The following C1orf141 variants were observed in gnomAD, a reference collection of about 807,000 sequenced individuals.
C1orf141 encodes the protein chromosome 1 open reading frame 141.
Under a neutral mutation model 23.2 loss-of-function variants are expected in C1orf141, and 19 were observed. That is an observed-to-expected ratio of 0.82 (90% CI 0.57 to 1.20). The LOEUF is 1.20. Among genes scored for constraint, C1orf141 ranks in the 50% most tolerant of loss-of-function variants. The probability of loss-of-function intolerance (pLI) is 0.00; values close to 1 mark genes in which losing one functional copy is unlikely to be tolerated. For synonymous variants in C1orf141, 153 were observed against 154.6 expected, an observed-to-expected ratio of 0.99 and a Z score of 0.08; for missense variants, 469 against 455.1, an observed-to-expected ratio of 1.03 and a Z score of -0.28.
chr1:67,118,992 A>C (rs1365035915), intron 4 of C1orf141, among the ~76,000 whole-genome samples: 1 of 152,208 alleles, frequency 6.6e-6, no homozygotes, highest in Non-Finnish European at 1.5e-5. Flanking sequence ...AGTAATGAGC[A>C]GTGGGGTGCT....
chr1:67,111,924 A>G (rs1646081503), intron 5 of C1orf141, among the ~76,000 whole-genome samples: 1 of 152,202 alleles, frequency 6.6e-6, no homozygotes, highest in Non-Finnish European at 1.5e-5. Context: ...AAATAGAATC[A>G]TATGTGTTAT....
At chr1:67,096,428 T>C (rs568430350) in intron 5 of C1orf141, 107 bp from the exon 6 acceptor site, 18 of 609,720 alleles carry the variant, frequency 3.0e-5, no homozygotes, top group African/African-American at 2.6e-4. Flanking sequence ...GGAAAGTACC[T>C]AGTATAGTGC....
chr1:67,112,380 G>C (rs1422342047), intron 5 of C1orf141, among the ~76,000 whole-genome samples: 1 of 151,976 alleles, frequency 6.6e-6, no homozygotes, highest in African/African-American at 2.4e-5. Context: ...ACATTTTAGT[G>C]GGTAATATGG....
intron 4 of C1orf141, chr1:67,123,347 T>C (rs1646338675): frequency 6.6e-6 from 1 of 152,164 alleles, no homozygotes; most frequent in Admixed American, 6.5e-5. Flanking sequence ...TTATAAGCAA[T>C]GTATTGAATT....
chr1:67,141,105 T>C (rs1388988153), intron 1 of C1orf141, among the ~76,000 whole-genome samples: 9 of 152,198 alleles, frequency 5.9e-5, no homozygotes, highest in Non-Finnish European at 1.2e-4. Context: ...GTGTATGATA[T>C]TGTGTTAATT....
intron 1 of C1orf141, among the ~76,000 whole-genome samples, chr1:67,141,385 T>A (rs976630145): frequency 1.3e-5 from 2 of 152,198 alleles, no homozygotes; most frequent in African/African-American, 4.8e-5. Context: ...AAAGACTTTT[T>A]TCTTCTTGTG....
Position 67,104,065 on chromosome 1 carries a change from A to G in C1orf141, c.347-7744T>C, listed in dbSNP as rs192431147. ...TGAAATAAAAATAAGGTATATGACA[A>G]AAGTCTAGGCCACAAAGACCTCACA... On this transcript the variant is annotated intron_variant, in intron 5 of 7. Coordinates refer to ENST00000684719, the MANE Select transcript of C1orf141 (RefSeq NM_001276351.2). Among the ~76,000 whole-genome samples, 214 of 152,286 alleles carry G rather than the reference A, an allele frequency of 1.4e-3. 1 individual carries two copies. The highest frequency in any genetic ancestry group is 1.0e-3 in the Non-Finnish European group (70 of 67,980).
At chr1:67,097,619 C>T (rs1159373614) in intron 5 of C1orf141, among the ~76,000 whole-genome samples, 1 of 152,112 alleles carries the variant, frequency 6.6e-6, no homozygotes, top group African/African-American at 2.4e-5. Flanking sequence ...AATAGAGATC[C>T]TTAGGAGGGT....
chr1:67,137,589 T>C (rs899163450), upstream of C1orf141, among the ~76,000 whole-genome samples: 10 of 152,108 alleles, frequency 6.6e-5, no homozygotes. Context: ...CTTTCTGGAG[T>C]GGCCAGTCCC....
At chr1:67,099,642 G>T (rs1323465265) in intron 5 of C1orf141, among the ~76,000 whole-genome samples, 1 of 152,162 alleles carries the variant, frequency 6.6e-6, no homozygotes, top group Non-Finnish European at 1.5e-5. Context: ...AGCCAGGCGT[G>T]GTGGTGCACA....
At chr1:67,137,096 G>A (rs1013348897), upstream of C1orf141, among the ~76,000 whole-genome samples, 1 of 152,092 alleles carries the variant, frequency 6.6e-6, no homozygotes, top group Non-Finnish European at 1.5e-5. Context: ...CTTTGAAGTA[G>A]GCCAACTACA....
At chr1:67,114,928 G>A (rs546465772) in intron 5 of C1orf141, among the ~76,000 whole-genome samples, 55 of 152,284 alleles carry the variant, frequency 3.6e-4, no homozygotes, top group African/African-American at 1.3e-3. Flanking sequence ...CACCCGCCTC[G>A]GCCTCCCAAA....
chr1:67,111,705 A>G lies in C1orf141; in HGVS notation c.346+3647T>C, dbSNP rs1646077135. 4.6e-5 allele frequency: 33 copies of G among 714,934 alleles called. No homozygotes were observed. The South Asian group carries it at 9.4e-4, about 20-fold the overall frequency. 44.3% of individuals were successfully genotyped at this position (714,934 alleles called of 1,614,324 possible). On this transcript the variant is annotated intron_variant, in intron 5 of 7. Coordinates refer to ENST00000684719, the MANE Select transcript of C1orf141 (RefSeq NM_001276351.2). ...AGTTACTTCTAATTAAACCCAATCA[A>G]CCATTTTCTCCACTGCAGTAAACTT...
At chr1:67,100,975 T>A (rs1443216423) in intron 5 of C1orf141, among the ~76,000 whole-genome samples, 1 of 151,116 alleles carries the variant, frequency 6.6e-6, no homozygotes, top group East Asian at 2.0e-4. Context: ...TGGCGGTGAG[T>A]ACTCTGTTTA....
Position 67,093,282 on chromosome 1 carries a change from C to A in C1orf141, c.926G>T (p.Arg309Ile). ...KKTNKQTLEN[R>I]SWNTLYNFSQ... ...GAAATTATAGAGTGTATTCCAAGAT[C>A]TGTTTTCTAGTGTCTGCTTATTAGT... The change falls in exon 8 of 8, where the codon AGA (arginine) becomes ATA (isoleucine). Residue 309 changes from arginine to isoleucine, a missense_variant. Arg to Ile is a moderately conservative substitution (Grantham distance 97). Coordinates refer to ENST00000684719, the MANE Select transcript of C1orf141 (RefSeq NM_001276351.2). 6.2e-7 allele frequency: 1 copy of A among 1,613,770 alleles called. No homozygotes were observed. Among genetic ancestry groups the A allele is most frequent in the Admixed American group, 1.7e-5 (1 of 60,004 alleles).
chr1:67,093,729 T>C, intron 7 of C1orf141, 125 bp from the exon 8 acceptor site: 2 of 655,054 alleles, frequency 3.1e-6, no homozygotes, highest in Non-Finnish European at 4.8e-6. Flanking sequence ...ATATTTAATA[T>C]GAACAGTAGC....
chr1:67,128,028 G>T (rs6674286), intron 2 of C1orf141, among the ~76,000 whole-genome samples: 1,840 of 152,196 alleles, frequency 0.012, 34 homozygotes, highest in African/African-American at 0.042. Context: ...ATAATTAATT[G>T]CTTCAAATTA....
chr1:67,112,690 G>C (rs561935409), intron 5 of C1orf141, among the ~76,000 whole-genome samples: 3 of 152,216 alleles, frequency 2.0e-5, no homozygotes, highest in Admixed American at 1.3e-4. Flanking sequence ...AACAGAGTGA[G>C]ACCGTGTCAG....
chr1:67,134,165 G>A (rs1423365460), intron 1 of C1orf141, among the ~76,000 whole-genome samples: 6 of 152,080 alleles, frequency 3.9e-5, no homozygotes, highest in Non-Finnish European at 5.9e-5. Flanking sequence ...CACCATGCCC[G>A]GCTAATTTTT....
Sources: gnomAD v4.1 joint callset for allele counts (sites outside exome capture counted in the v4.1 genomes callset) on GRCh38, gnomAD v4.1.1 for gene constraint, MANE v1.5 for transcripts, NCBI Gene and HGNC (gene_info 2026-07-23, HGNC 2026-07-21) for gene names.